The following RABGAP1L variants were observed in gnomAD, a reference collection of about 807,000 sequenced individuals.
RABGAP1L encodes the protein RAB GTPase activating protein 1 like, also known as rab GTPase-activating protein 1-like.
In RABGAP1L, 63 loss-of-function variants were observed where a neutral mutation model predicts 137.7. The observed-to-expected ratio is 0.46, with a 90% confidence interval of 0.37 to 0.56. The LOEUF (loss-of-function observed/expected upper bound fraction) is 0.56. RABGAP1L is among the 20% of genes least tolerant of loss of function. RABGAP1L has a pLI of 0.00. For missense variants in RABGAP1L, 1,095 were observed against 1,244.0 expected, an observed-to-expected ratio of 0.88 and a Z score of 1.80; for synonymous variants, 431 against 433.7, an observed-to-expected ratio of 0.99 and a Z score of 0.08.
At chr1:174,545,126 C>T (rs979979243) in intron 13 of RABGAP1L, 1 of 152,592 alleles carries the variant, frequency 6.6e-6, no homozygotes, top group East Asian at 1.9e-4. Flanking sequence ...CTACTCTCTT[C>T]AAAGCTGTCA....
chr1:174,435,862 G>T (rs1653222046), intron 13 of RABGAP1L, among the ~76,000 whole-genome samples: 1 of 145,822 alleles, frequency 6.9e-6, no homozygotes, highest in South Asian at 2.1e-4. Context: ...GTGTCCATGT[G>T]TTCTCATTGT....
chr1:174,217,108 G>A (rs958346243), intron 1 of RABGAP1L, among the ~76,000 whole-genome samples: 6 of 152,136 alleles, frequency 3.9e-5, no homozygotes, highest in East Asian at 1.9e-4. Context: ...ACTTGCTGAT[G>A]TGAGGAGTAA....
In RABGAP1L at chr1:174,878,235, C is replaced by CT. The variant is rs1050062171; in HGVS notation, c.2340+66283dup. On this transcript the variant is annotated intron_variant, in intron 19 of 25. Transcript: ENST00000681986. ...CAACGATCTATACCTCTGAAACCAA[C>CT]TTTTTTTTGAGATGGAGTTTCGCTC... 2.0e-5 allele frequency among the ~76,000 whole-genome samples: 3 copies of CT among 151,830 alleles called. 1 individual carries two copies. The highest frequency in any genetic ancestry group is 7.3e-5 in the African/African-American group (3 of 41,340).
rs372814756 is a variant in RABGAP1L at position 174,918,959 on chromosome 1, G to C, written c.2341-38498G>C. Among the ~76,000 whole-genome samples, 4 of 152,092 alleles carry C rather than the reference G, an allele frequency of 2.6e-5. No homozygotes were observed. The South Asian group carries it at 6.2e-4, about 24-fold the overall frequency. ...TTAAGCCTAGGAGTTAGAGGCTGCA[G>C]TGAGCTCTGATCGTGCCACTGCATC... On this transcript the variant is annotated intron_variant, in intron 19 of 25. Coordinates refer to ENST00000681986, the MANE Select transcript of RABGAP1L (RefSeq NM_001366446.1).
At chr1:174,748,332 A>G (rs1034663478) in intron 17 of RABGAP1L, among the ~76,000 whole-genome samples, 8 of 152,260 alleles carry the variant, frequency 5.3e-5, no homozygotes, top group Non-Finnish European at 1.5e-5. Flanking sequence ...ATAAGCATTT[A>G]CTATGCACAT....
intron 3 of RABGAP1L, among the ~76,000 whole-genome samples, chr1:174,227,403 C>T (rs367667874): frequency 6.6e-6 from 1 of 151,418 alleles, no homozygotes; most frequent in African/African-American, 2.4e-5. Context: ...GGGTTTCACC[C>T]TGTTGGCCAG....
intron 13 of RABGAP1L, among the ~76,000 whole-genome samples, chr1:174,588,924 T>C (rs1056242393): frequency 2.6e-5 from 4 of 152,182 alleles, no homozygotes; most frequent in African/African-American, 4.8e-5. Context: ...AGTGCAGATA[T>C]CTCTTCAACA....
At chr1:174,214,497 A>C (rs1669133418) in intron 1 of RABGAP1L, among the ~76,000 whole-genome samples, 1 of 152,236 alleles carries the variant, frequency 6.6e-6, no homozygotes, top group Non-Finnish European at 1.5e-5. Context: ...CCTAAAATTT[A>C]TATGAAACTA....
intron 13 of RABGAP1L, among the ~76,000 whole-genome samples, chr1:174,451,804 T>C (rs1655483351): frequency 1.3e-5 from 2 of 152,340 alleles, no homozygotes; most frequent in East Asian, 3.9e-4. Context: ...AACAGCAATC[T>C]GATAAGCTCA....
chr1:174,312,249 A>G (rs1489394746), intron 11 of RABGAP1L, among the ~76,000 whole-genome samples: 2 of 152,124 alleles, frequency 1.3e-5, no homozygotes, highest in Non-Finnish European at 2.9e-5. Context: ...CATCACTAGC[A>G]TTTGTGATTG....
chr1:174,935,976 C>A (rs1664719990), intron 19 of RABGAP1L, among the ~76,000 whole-genome samples: 2 of 115,472 alleles, frequency 1.7e-5, no homozygotes, highest in Non-Finnish European at 3.4e-5. Flanking sequence ...AGTAAACCTC[C>A]ATCTCACCAA....
chr1:174,813,327 T>C (rs1690066815), intron 19 of RABGAP1L, among the ~76,000 whole-genome samples: 1 of 152,114 alleles, frequency 6.6e-6, no homozygotes, highest in Admixed American at 6.5e-5. Flanking sequence ...TCCTGATATA[T>C]TAAATGTGAG....
At chr1:174,653,123 T>G (rs1458925508) in intron 14 of RABGAP1L, among the ~76,000 whole-genome samples, 5 of 152,122 alleles carry the variant, frequency 3.3e-5, no homozygotes, top group Admixed American at 1.3e-4. Flanking sequence ...TACTCCAGCC[T>G]CAGTAATGGT....
At chr1:174,320,765 T>A (rs1241299997) in intron 11 of RABGAP1L, among the ~76,000 whole-genome samples, 1 of 152,194 alleles carries the variant, frequency 6.6e-6, no homozygotes, top group Non-Finnish European at 1.5e-5. Context: ...TCCCATCATC[T>A]TCGTAAGCTG....
intron 19 of RABGAP1L, among the ~76,000 whole-genome samples, chr1:174,920,946 G>C (rs1413436214): frequency 6.6e-6 from 1 of 151,868 alleles, no homozygotes; most frequent in Non-Finnish European, 1.5e-5. Flanking sequence ...TGTTTGAGAC[G>C]GAGTCTTGCT....
chr1:174,213,059 C>CA (rs1475846059), intron 1 of RABGAP1L, among the ~76,000 whole-genome samples: 1 of 152,032 alleles, frequency 6.6e-6, no homozygotes, highest in Admixed American at 6.6e-5. Context: ...AGTGTCCTAG[C>CA]AAAAAAAGCC....
At chr1:174,489,386 C>T (rs189832901) in intron 13 of RABGAP1L, among the ~76,000 whole-genome samples, 1,541 of 152,236 alleles carry the variant, frequency 0.01, 14 homozygotes, top group South Asian at 0.026. Context: ...ACAGACACTT[C>T]TCAAAAGAAG....
intron 13 of RABGAP1L, among the ~76,000 whole-genome samples, chr1:174,403,205 G>A (rs1174326381): frequency 8.2e-6 from 1 of 122,552 alleles, no homozygotes. Flanking sequence ...GGTTATATAT[G>A]AGAGTGTGTG....
intron 23 of RABGAP1L, among the ~76,000 whole-genome samples, chr1:174,981,862 G>C (rs914503205): frequency 2.0e-5 from 3 of 151,582 alleles, no homozygotes; most frequent in Non-Finnish European, 2.9e-5. Flanking sequence ...ACTTACTATT[G>C]GCCAAGTGCT....
Sources: gnomAD v4.1 joint callset for allele counts (sites outside exome capture counted in the v4.1 genomes callset) on GRCh38, gnomAD v4.1.1 for gene constraint, MANE v1.5 for transcripts, NCBI Gene and HGNC (gene_info 2026-07-23, HGNC 2026-07-21) for gene names.